The following ARL17B variants were observed in gnomAD, a reference collection of about 807,000 sequenced individuals.
The protein encoded by ARL17B is ARF like GTPase 17B.
chr17:46,304,814 G>A (rs908993222), intron 3 of ARL17B, among the ~76,000 whole-genome samples: 1 of 57,694 alleles, frequency 1.7e-5, no homozygotes, highest in African/African-American at 3.9e-5. Flanking sequence ...ATATTGAAGT[G>A]GCTTAGGAAA....
chr17:46,286,390 T>C (rs1447862517), intron 4 of ARL17B, among the ~76,000 whole-genome samples: 8 of 152,256 alleles, frequency 5.3e-5, no homozygotes, highest in Non-Finnish European at 1.2e-4. Flanking sequence ...ACTAGTACTG[T>C]ACCATGTGGG....
chr17:46,277,649 CT>C (rs746020977), intron 4 of ARL17B, among the ~76,000 whole-genome samples: 2 of 115,536 alleles, frequency 1.7e-5, no homozygotes, highest in African/African-American at 5.3e-5. Flanking sequence ...TTCTTTCTTT[CT>C]TTCTTTTTTT....
chr17:46,274,627 G>A (rs1196277912), downstream of ARL17B, among the ~76,000 whole-genome samples: 2 of 152,152 alleles, frequency 1.3e-5, no homozygotes, highest in Non-Finnish European at 2.9e-5. Flanking sequence ...ACAAATGAGG[G>A]CAGCAATAAA....
intron 4 of ARL17B, among the ~76,000 whole-genome samples, chr17:46,287,428 G>C (rs2049949031): frequency 6.6e-6 from 1 of 152,216 alleles, no homozygotes; most frequent in Admixed American, 6.5e-5. Flanking sequence ...TGAAAACAAA[G>C]CAAAGCGCAA....
chr17:46,275,949 G>C (rs1298091635), intron 4 of ARL17B, among the ~76,000 whole-genome samples: 6 of 151,694 alleles, frequency 4.0e-5, no homozygotes, highest in Non-Finnish European at 8.8e-5. Flanking sequence ...GTAGTGCAAA[G>C]GCGCGATCTT....
chr17:46,281,984 AC>A (rs1277843483), intron 4 of ARL17B, among the ~76,000 whole-genome samples: 1 of 149,930 alleles, frequency 6.7e-6, no homozygotes, highest in Non-Finnish European at 1.5e-5. Flanking sequence ...TTGGTCTATA[AC>A]CTGCTGCCTA....
chr17:46,308,015 T>C (rs1371319005), intron 3 of ARL17B, among the ~76,000 whole-genome samples: 1 of 72,962 alleles, frequency 1.4e-5, no homozygotes, highest in African/African-American at 3.5e-5. Flanking sequence ...CTGTCTCAAA[T>C]AATAATAATA....
At chr17:46,327,367 A>C (rs2051797874) in intron 3 of ARL17B, among the ~76,000 whole-genome samples, 1 of 44,876 alleles carries the variant, frequency 2.2e-5, no homozygotes, top group Non-Finnish European at 6.2e-5. Flanking sequence ...GCTTGAGCCC[A>C]GGAGTTCTAC....
At chr17:46,317,108 T>C in intron 3 of ARL17B, among the ~76,000 whole-genome samples, 1 of 87,276 alleles carries the variant, frequency 1.1e-5, no homozygotes, top group South Asian at 4.5e-4. Context: ...TCATGGCCCG[T>C]TCTCAATGAG....
chr17:46,274,250 T>A (rs1338119211), downstream of ARL17B, among the ~76,000 whole-genome samples: 1 of 152,226 alleles, frequency 6.6e-6, no homozygotes, highest in Non-Finnish European at 1.5e-5. Context: ...TGAATTTTAA[T>A]ACAAAAAGAA....
intron 4 of ARL17B, among the ~76,000 whole-genome samples, chr17:46,279,439 C>T (rs1435838017): frequency 1.3e-5 from 2 of 151,826 alleles, no homozygotes; most frequent in Admixed American, 1.3e-4. Context: ...CCACCTTGGC[C>T]CTCCAAAGTG....
At chr17:46,281,838 T>A (rs2049770817) in intron 4 of ARL17B, among the ~76,000 whole-genome samples, 2 of 152,074 alleles carry the variant, frequency 1.3e-5, no homozygotes, top group Admixed American at 1.3e-4. Context: ...GAGATGGGGT[T>A]TTGCCATGTT....
downstream of ARL17B, chr17:46,334,857 A>T (rs1191256223): frequency 7.2e-6 from 1 of 137,954 alleles, no homozygotes; most frequent in Non-Finnish European, 1.6e-5. Flanking sequence ...TGAAGAAAAA[A>T]AAACCAATAA....
chr17:46,316,705 A>G lies in ARL17B; in HGVS notation c.260-17040T>C, dbSNP rs1329282388. 1.8e-4 allele frequency among the ~76,000 whole-genome samples: 13 copies of G among 71,358 alleles called. 1 individual carries two copies. Among genetic ancestry groups the G allele is most frequent in the African/African-American group, 3.0e-4 (7 of 23,642 alleles). 46.8% of individuals were successfully genotyped at this position (71,358 alleles called of 152,430 possible). A position where few individuals can be genotyped will look rare whatever the true frequency, so the allele number is the denominator to read the frequency against. On this transcript the variant is annotated intron_variant, in intron 3 of 4. Transcript: ENST00000434041. ...ATAGGACAATAGTGGAGGGAAGGTC[A>G]GCAGATAAACAAGTGAACAAAGGTC... is the stretch of plus-strand genomic sequence containing the variant.
intron 4 of ARL17B, chr17:46,275,457 C>A: frequency 1.2e-6 from 1 of 830,346 alleles, no homozygotes; most frequent in South Asian, 1.4e-5. Flanking sequence ...GAGCACCTTT[C>A]ATTTTTGAAA....
intron 4 of ARL17B, among the ~76,000 whole-genome samples, chr17:46,276,038 C>G (rs2049578248): frequency 1.3e-5 from 2 of 152,140 alleles, no homozygotes; most frequent in Non-Finnish European, 2.9e-5. Context: ...TTACAGGTGC[C>G]TGCCACCACA....
intron 4 of ARL17B, among the ~76,000 whole-genome samples, chr17:46,289,905 C>T (rs142410300): frequency 0.12 from 17,548 of 147,854 alleles, 1 homozygote; most frequent in Middle Eastern, 0.19. Context: ...AGATCACTTG[C>T]GTCCAGGAGC....
At chr17:46,286,804 G>A (rs2049931796) in intron 4 of ARL17B, among the ~76,000 whole-genome samples, 1 of 152,244 alleles carries the variant, frequency 6.6e-6, no homozygotes, top group Non-Finnish European at 1.5e-5. Context: ...CACTGTGACT[G>A]CAGGTGTTCT....
Position 46,307,898 on chromosome 17 carries a change from G to A in ARL17B, c.260-8233C>T, listed in dbSNP as rs1156957558. On this transcript the variant is annotated intron_variant, in intron 3 of 4. Transcript: ENST00000434041. ...ATGGTGACAGGCAACTGTAATCCTA[G>A]GTACTCAGGAGGCTGAGGCAGGAGA... Among the ~76,000 whole-genome samples, 2 of 77,032 alleles carry A rather than the reference G, an allele frequency of 2.6e-5. 1 individual carries two copies. The highest frequency in any genetic ancestry group is 6.6e-5 in the African/African-American group (2 of 30,406). The allele number at this position is 77,032 out of a possible 152,430, so 50.5% of individuals were successfully genotyped here. A position where few individuals can be genotyped will look rare whatever the true frequency, so the allele number is the denominator to read the frequency against.
Sources: gnomAD v4.1 joint callset for allele counts (sites outside exome capture counted in the v4.1 genomes callset) on GRCh38, gnomAD v4.1.1 for gene constraint, MANE v1.5 for transcripts, NCBI Gene and HGNC (gene_info 2026-07-23, HGNC 2026-07-21) for gene names.